KCNK5: variants seen among roughly 807,000 people sequenced by gnomAD.
KCNK5 encodes potassium channel subfamily K member 5.
A neutral mutation model predicts 32.9 loss-of-function variants in KCNK5; 18 were observed. The ratio of observed to expected loss-of-function variants is 0.55; its 90% CI spans 0.38 to 0.81. The LOEUF is 0.81. Ranked by LOEUF, KCNK5 falls within the 30% of genes least tolerant of loss-of-function variation. KCNK5 has a pLI of 0.00. For missense variants in KCNK5, 507 were observed against 651.0 expected, an observed-to-expected ratio of 0.78 and a Z score of 2.41; for synonymous variants, 276 against 275.3, an observed-to-expected ratio of 1.00 and a Z score of -0.03.
intron 1 of KCNK5, among the ~76,000 whole-genome samples, chr6:39,210,836 A>G (rs1236092827): frequency 2.0e-5 from 3 of 152,188 alleles, no homozygotes; most frequent in Non-Finnish European, 4.4e-5. Flanking sequence ...TTCAAGCCCA[A>G]GCAATGGAGC....
intron 1 of KCNK5, among the ~76,000 whole-genome samples, chr6:39,217,796 C>G (rs1241211265): frequency 6.6e-6 from 1 of 152,198 alleles, no homozygotes; most frequent in Non-Finnish European, 1.5e-5. Flanking sequence ...AAGTCCAGGG[C>G]TGGAGAGACT....
At chr6:39,207,494 C>T (rs1337431257) in intron 1 of KCNK5, among the ~76,000 whole-genome samples, 2 of 152,270 alleles carry the variant, frequency 1.3e-5, no homozygotes, top group South Asian at 2.1e-4. Context: ...AGGCACAGTG[C>T]GGGTTGATGA....
At chr6:39,220,010 C>G (rs1771510415) in intron 1 of KCNK5, among the ~76,000 whole-genome samples, 1 of 152,234 alleles carries the variant, frequency 6.6e-6, no homozygotes, top group Non-Finnish European at 1.5e-5. Context: ...AATCAGTTTT[C>G]TGCTACACAG....
At chr6:39,192,601 G>A (rs560851322) in intron 4 of KCNK5, among the ~76,000 whole-genome samples, 27 of 152,106 alleles carry the variant, frequency 1.8e-4, no homozygotes, top group Non-Finnish European at 3.1e-4. Context: ...GGCAAGAAAC[G>A]CTGAACCATT....
At chr6:39,207,878 A>G (rs957223828) in intron 1 of KCNK5, among the ~76,000 whole-genome samples, 3 of 151,990 alleles carry the variant, frequency 2.0e-5, no homozygotes, top group African/African-American at 7.3e-5. Flanking sequence ...CACCGCCAAT[A>G]CCGCCAGACT....
chr6:39,202,712 C>T (rs1475362316), intron 1 of KCNK5, among the ~76,000 whole-genome samples: 2 of 152,152 alleles, frequency 1.3e-5, no homozygotes, highest in African/African-American at 2.4e-5. Flanking sequence ...AATCCCAAAG[C>T]CCCTCCTCTC....
intron 1 of KCNK5, among the ~76,000 whole-genome samples, chr6:39,198,661 C>T (rs1050408713): frequency 1.3e-5 from 2 of 152,206 alleles, no homozygotes; most frequent in Non-Finnish European, 2.9e-5. Flanking sequence ...TAAATGCAAT[C>T]TCAGGCTATG....
intron 1 of KCNK5, among the ~76,000 whole-genome samples, chr6:39,226,641 G>A (rs951911028): frequency 6.6e-6 from 1 of 152,114 alleles, no homozygotes; most frequent in Non-Finnish European, 1.5e-5. Context: ...CAGCCAGATG[G>A]GAAAGAAGAT....
At chr6:39,196,371 G>GACC (rs1446992962) in intron 1 of KCNK5, among the ~76,000 whole-genome samples, 2 of 152,156 alleles carry the variant, frequency 1.3e-5, no homozygotes, top group Non-Finnish European at 2.9e-5. Flanking sequence ...TGTGGACAGG[G>GACC]ACCACACTTT....
intron 1 of KCNK5, among the ~76,000 whole-genome samples, chr6:39,205,390 T>C (rs995903182): frequency 6.6e-6 from 1 of 152,198 alleles, no homozygotes; most frequent in Non-Finnish European, 1.5e-5. Context: ...AATCTACCCC[T>C]GCCTCATCTT....
In KCNK5 at chr6:39,194,175, CA is replaced by C; in HGVS notation, c.627del (p.Phe209LeufsTer5). Reference sequence around the variant, plus strand: ...GGCAGAGGCAGGGACTCACCGGCCACAAAGTCACCGAAGCCGATGGTGGAGA... The same window carrying C: ...GGCAGAGGCAGGGACTCACCGGCCACAAGTCACCGAAGCCGATGGTGGAGA... ...ITISTIGFGDFVAGVNPSANY... is the reference protein window; with the variant it reads ...ITISTIGFGDXVAGVNPSANY... On this transcript the variant is annotated frameshift_variant, in exon 4 of 5. Transcript: ENST00000359534. LOFTEE classifies it high-confidence loss of function. The surrounding 1 kb of genome is among the most constrained non-coding windows in gnomAD (Gnocchi z 4.7). The C allele has an allele frequency of 6.2e-7, 1 of 1,614,080 alleles. No individual in the cohort carries two copies. Among genetic ancestry groups the C allele is most frequent in the Non-Finnish European group, 8.5e-7 (1 of 1,180,002 alleles).
chr6:39,229,161 C>T lies in KCNK5; in HGVS notation c.-50G>A, dbSNP rs754022931. ...AGAAAGCCTCTCCTAGCCCCAGCTG[C>T]TACCAGTCCGCCCGCCCTCCAGCCT... On this transcript the variant is annotated 5_prime_UTR_variant, in exon 1 of 5. It removes the in-frame stop codon of an upstream open reading frame in the 5' UTR. Transcript: ENST00000359534. 8 of 1,586,026 alleles carry T rather than the reference C, an allele frequency of 5.0e-6. No homozygotes were observed. The Admixed American group carries it at 1.4e-4, about 27-fold the overall frequency.
At position 39,229,419 on chromosome 6, in the gene KCNK5, C is replaced by A. The variant is rs1210008365; in HGVS notation, c.-308G>T. 2.9e-5 allele frequency: 11 copies of A among 377,596 alleles called. No individual in the cohort carries two copies. Among genetic ancestry groups the A allele is most frequent in the Non-Finnish European group, 4.9e-5 (10 of 203,140 alleles). The allele number at this position is 377,596 out of a possible 1,614,324, so 23.4% of individuals were successfully genotyped here. ...GAAGAACACAGGACTTGACTCTGGGCAGACACGTGGGCCGCTTCTCCACGC... is the reference window on the plus strand; with the variant it reads ...GAAGAACACAGGACTTGACTCTGGGAAGACACGTGGGCCGCTTCTCCACGC... On this transcript the variant is annotated 5_prime_UTR_variant, in exon 1 of 5. Coordinates refer to ENST00000359534, the MANE Select transcript of KCNK5 (RefSeq NM_003740.4).
At chr6:39,223,696 C>T (rs1311106102) in intron 1 of KCNK5, among the ~76,000 whole-genome samples, 1 of 152,150 alleles carries the variant, frequency 6.6e-6, no homozygotes, top group Non-Finnish European at 1.5e-5. Context: ...TCCCTCCTCC[C>T]ACCACCACCA....
intron 1 of KCNK5, among the ~76,000 whole-genome samples, chr6:39,224,667 G>A (rs943124230): frequency 4.6e-5 from 7 of 152,244 alleles, no homozygotes; most frequent in Admixed American, 6.5e-5. Context: ...AGAGGCTTCC[G>A]GGAACAGGTC....
At chr6:39,223,887 A>C (rs1298126289) in intron 1 of KCNK5, among the ~76,000 whole-genome samples, 1 of 152,064 alleles carries the variant, frequency 6.6e-6, no homozygotes, top group Non-Finnish European at 1.5e-5. Flanking sequence ...TAAAAGCAAC[A>C]ATCATCACCT....
At chr6:39,208,471 C>G (rs1290265513) in intron 1 of KCNK5, among the ~76,000 whole-genome samples, 1 of 152,218 alleles carries the variant, frequency 6.6e-6, no homozygotes, top group Non-Finnish European at 1.5e-5. Context: ...TCCTGAGAGC[C>G]AACCACCTGT....
chr6:39,210,695 A>G (rs1383496190), intron 1 of KCNK5, among the ~76,000 whole-genome samples: 1 of 152,232 alleles, frequency 6.6e-6, no homozygotes, highest in African/African-American at 2.4e-5. Flanking sequence ...CCTGCTCAGG[A>G]GGATCTCATA....
intron 1 of KCNK5, among the ~76,000 whole-genome samples, chr6:39,199,202 C>T (rs1396373406): frequency 1.3e-5 from 2 of 152,210 alleles, no homozygotes; most frequent in Non-Finnish European, 2.9e-5. Context: ...AAATGCTCCC[C>T]CTGGGAAATG....
Sources: allele counts gnomAD v4.1 joint callset (sites outside exome capture counted in the v4.1 genomes callset), GRCh38; gene constraint gnomAD v4.1.1; non-coding constraint Gnocchi (gnomAD v3.1); transcripts MANE v1.5; gene names NCBI Gene and HGNC (gene_info 2026-07-23, HGNC 2026-07-21).